Variants in LRP1 observed in about 807,000 individuals in gnomAD.
The protein encoded by LRP1 is LDL receptor related protein 1.
LRP1 carries 51 observed loss-of-function variants against 541.5 expected under a neutral mutation model. The observed-to-expected ratio is 0.09, with a 90% CI of 0.08 to 0.12. The LOEUF (loss-of-function observed/expected upper bound fraction) is 0.12, where lower values mean the gene tolerates loss of function less well. LRP1 is among the 10% of genes least tolerant of loss of function. The pLI is 1.00. For missense variants in LRP1, 3,878 were observed against 6,376.2 expected (o/e 0.61, Z 13.34); for synonymous variants, 2,219 against 2,470.8 (o/e 0.90, Z 3.02).
intron 76 of LRP1, among the ~76,000 whole-genome samples, chr12:57,207,401 G>A (rs1182160889): frequency 6.6e-6 from 1 of 151,912 alleles, no homozygotes. Flanking sequence ...TCAGGAGGCT[G>A]AAGCAGGAGA....
chr12:57,134,070 C>T (rs1182307501), intron 1 of LRP1, among the ~76,000 whole-genome samples: 1 of 152,202 alleles, frequency 6.6e-6, no homozygotes. Flanking sequence ...CAACTCTACA[C>T]CTCCTGCCCT....
intron 6 of LRP1, among the ~76,000 whole-genome samples, chr12:57,152,826 C>T (rs1429227680): frequency 6.6e-6 from 1 of 152,218 alleles, no homozygotes; most frequent in East Asian, 1.9e-4. Context: ...CCTTCCCTTC[C>T]TGTCCTGTGA....
At chr12:57,146,764 G>A (rs1455147079) in intron 6 of LRP1, 1 of 152,566 alleles carries the variant, frequency 6.6e-6, no homozygotes, top group Non-Finnish European at 1.5e-5. Context: ...GCTGAGCTGG[G>A]GGCTGTCAAG....
chr12:57,154,157 T>C lies in LRP1; in HGVS notation c.842-51T>C. ...TTCTCACCAGCAAAGGGTGGGCATC[T>C]CTGCAAGAGGGCCTACCCCACCCCA... On this transcript the variant is annotated intron_variant, in intron 6 of 88. Transcript: ENST00000243077. This position sits in a 1 kb window ranked among gnomAD's most constrained non-coding sequence, Gnocchi z 4.6. 1.3e-6 allele frequency: 2 copies of C among 1,559,724 alleles called. No homozygotes were observed. The highest frequency in any genetic ancestry group is 2.3e-5 in the South Asian group (2 of 85,332).
intron 44 of LRP1, among the ~76,000 whole-genome samples, chr12:57,192,429 G>A (rs965739343): frequency 3.3e-5 from 5 of 152,120 alleles, no homozygotes; most frequent in African/African-American, 1.2e-4. Flanking sequence ...GAGCCACACA[G>A]ACAGCCGAGA....
At chr12:57,149,252 G>A in intron 6 of LRP1, 1 of 440,602 alleles carries the variant, frequency 2.3e-6, no homozygotes, top group South Asian at 6.4e-5. Flanking sequence ...GGGAGGGGTG[G>A]CTCTAGCCAC....
intron 45 of LRP1, 88 bp downstream of exon 45, chr12:57,193,058 C>G: frequency 6.3e-7 from 1 of 1,583,590 alleles, no homozygotes; most frequent in Non-Finnish European, 8.6e-7. Context: ...CCAGCCCAGC[C>G]CCCCAAAGCC....
At chr12:57,167,749 G>C (rs2035868675) in intron 19 of LRP1, among the ~76,000 whole-genome samples, 1 of 152,244 alleles carries the variant, frequency 6.6e-6, no homozygotes, top group Admixed American at 6.5e-5. Flanking sequence ...CCTACCCCAG[G>C]CAGGGCCTGA....
In LRP1 at chr12:57,134,868, G is replaced by C. The variant is rs534182960; in HGVS notation, c.68-3591G>C. Among the ~76,000 whole-genome samples the C allele has an allele frequency of 3.8e-3, 574 of 152,176 alleles. 2 individuals carry two copies. Among genetic ancestry groups the C allele is most frequent in the Non-Finnish European group, 4.0e-3 (272 of 67,990 alleles). On this transcript the variant is annotated intron_variant, in intron 1 of 88. Coordinates refer to ENST00000243077, the MANE Select transcript of LRP1 (RefSeq NM_002332.3). Reference sequence around the variant, plus strand: ...CTACAGGCGCCTGCCACCACGCCCAGCTAATTTTTCATATTTTTAGTAGAG... The same window carrying C: ...CTACAGGCGCCTGCCACCACGCCCACCTAATTTTTCATATTTTTAGTAGAG...
At chr12:57,209,005 C>A in intron 78 of LRP1, 78 bp from the exon 79 acceptor site, 1 of 1,260,208 alleles carries the variant, frequency 7.9e-7, no homozygotes, top group Non-Finnish European at 1.2e-6. Flanking sequence ...GGAGCTGTCC[C>A]GGGCATGGAG....
At chr12:57,200,313 T>C (rs957794605) in intron 62 of LRP1, 129 bp from the exon 63 acceptor site, 1 of 700,690 alleles carries the variant, frequency 1.4e-6, no homozygotes, top group South Asian at 1.7e-5. Flanking sequence ...GAACTCACCA[T>C]AGCCCAACCT....
chr12:57,201,412 G>T lies in LRP1; in HGVS notation c.10346-85G>T. The stretch of plus-strand genomic sequence containing the variant: ...GAAGTTGCTGGCAGGACCAAGGCCA[G>T]GGCTTGGAAGAGAGAGAAGACAGTG... On this transcript the variant is annotated intron_variant, in intron 65 of 88. Coordinates refer to ENST00000243077, the MANE Select transcript of LRP1 (RefSeq NM_002332.3). This position sits in a 1 kb window ranked among gnomAD's most constrained non-coding sequence, Gnocchi z 6.4. The T allele has an allele frequency of 6.5e-7, 1 of 1,535,774 alleles. No individual in the cohort carries two copies. The highest frequency in any genetic ancestry group is 1.8e-4 in the Middle Eastern group (1 of 5,698).
intron 22 of LRP1, 114 bp from the exon 23 acceptor site, chr12:57,175,346 C>A: frequency 8.0e-7 from 1 of 1,249,500 alleles, no homozygotes; most frequent in South Asian, 1.3e-5. Flanking sequence ...GGGCCGTGGG[C>A]AGGGCACAAG....
chr12:57,129,067 G>A, intron 1 of LRP1, 36 bp downstream of exon 1: 4 of 1,548,430 alleles, frequency 2.6e-6, no homozygotes, highest in South Asian at 1.2e-5. Context: ...GGACCCCTGG[G>A]GGCACCCTCT....
Position 57,145,010 on chromosome 12 carries a change from C to G in LRP1, c.487C>G (p.Leu163Val). The G allele has an allele frequency of 6.2e-7, 1 of 1,614,150 alleles. No homozygotes were observed. The highest frequency in any genetic ancestry group is 8.5e-7 in the Non-Finnish European group (1 of 1,180,048). Residue 163 changes from leucine to valine, a missense_variant, in exon 5 of 89, where the codon CTA becomes GTA. Transcript: ENST00000243077. Reference protein sequence around the residue: ...ECSVYGTCSQLCTNTDGSFIC... With the variant: ...ECSVYGTCSQVCTNTDGSFIC... ...CTCAGTGTACGGCACCTGCAGCCAG[C>G]TATGCACCAACACAGACGGCTCCTT...
In LRP1 at chr12:57,128,834, G is replaced by T. The variant is rs987119537; in HGVS notation, c.-131G>T. ...ACCCACGCCCCTGGTGCGCTTTGCC[G>T]AAGGAAAGAATAAGAACAGAGAAGG... is the stretch of plus-strand genomic sequence containing the variant. On this transcript the variant is annotated 5_prime_UTR_variant, in exon 1 of 89. Coordinates refer to ENST00000243077, the MANE Select transcript of LRP1 (RefSeq NM_002332.3). 7.6e-6 allele frequency: 6 copies of T among 786,826 alleles called. No homozygotes were observed. In the East Asian group the frequency reaches 1.4e-4, roughly 19 times the overall value. 48.7% of individuals were successfully genotyped at this position (786,826 alleles called of 1,614,324 possible).
intron 12 of LRP1, 151 bp downstream of exon 12, chr12:57,160,156 G>GAAGACAGGGAC: frequency 4.2e-6 from 3 of 719,752 alleles, no homozygotes; most frequent in Non-Finnish European, 6.9e-6. Flanking sequence ...AGGAGTCCCT[G>GAAGACAGGGAC]TCTTCAGGGA....
At chr12:57,144,678 T>C (rs1042358497) in intron 4 of LRP1, 5 of 428,484 alleles carry the variant, frequency 1.2e-5, no homozygotes, top group Non-Finnish European at 2.1e-5. Flanking sequence ...AGGACAGCAA[T>C]GTGGGTCTAT....
chr12:57,140,842 C>T (rs1349471891), intron 2 of LRP1, among the ~76,000 whole-genome samples: 3 of 152,182 alleles, frequency 2.0e-5, no homozygotes, highest in Admixed American at 6.5e-5. Flanking sequence ...AAGCGATTCT[C>T]CTGCCTCAGC....
Sources: allele counts gnomAD v4.1 joint callset (sites outside exome capture counted in the v4.1 genomes callset), GRCh38; gene constraint gnomAD v4.1.1; non-coding constraint Gnocchi (gnomAD v3.1); transcripts MANE v1.5; gene names NCBI Gene and HGNC (gene_info 2026-07-23, HGNC 2026-07-21).